Variants in RAD54B observed in about 807,000 individuals in gnomAD.
RAD54B encodes DNA repair and recombination protein RAD54B.
In RAD54B, 78 loss-of-function variants were observed where a neutral mutation model predicts 95.8. The ratio of observed to expected loss-of-function variants is 0.81; its 90% CI spans 0.68 to 0.98. RAD54B has a LOEUF of 0.98. Ranked by LOEUF, RAD54B falls within the 50% of genes least tolerant of loss-of-function variation. The probability of loss-of-function intolerance (pLI) is 0.00; values close to 1 mark genes in which losing one functional copy is unlikely to be tolerated. For synonymous variants in RAD54B, 328 were observed against 354.9 expected, an observed-to-expected ratio of 0.92 and a Z score of 0.85; for missense variants, 957 against 1,056.6, an observed-to-expected ratio of 0.91 and a Z score of 1.31.
chr8:94,438,433 G>A (rs1812322340), intron 3 of RAD54B, among the ~76,000 whole-genome samples: 1 of 152,200 alleles, frequency 6.6e-6, no homozygotes, highest in Admixed American at 6.5e-5. Flanking sequence ...TAATGCAAAT[G>A]ATTCTTGTCC....
intron 3 of RAD54B, among the ~76,000 whole-genome samples, chr8:94,411,746 TTTTG>T (rs1811534230): frequency 8.5e-6 from 1 of 116,984 alleles, no homozygotes; most frequent in African/African-American, 2.6e-5. Context: ...AACCTGAAAT[TTTTG>T]TTTATTTAAT....
intron 3 of RAD54B, among the ~76,000 whole-genome samples, chr8:94,454,133 T>C (rs1294217333): frequency 2.0e-5 from 3 of 150,184 alleles, no homozygotes; most frequent in Non-Finnish European, 2.9e-5. Flanking sequence ...TTTTTTACCA[T>C]GTGCGTGCAT....
At position 94,400,305 on chromosome 8, in the gene RAD54B, T is replaced by G; in HGVS notation, c.1103A>C (p.Asn368Thr). The change falls in exon 7 of 15, where the codon AAT becomes ACT. Residue 368 changes from asparagine to threonine, a missense_variant. Transcript: ENST00000336148. ...TTTTTGAAATTCTTTCTTCCAATTA[T>G]TCACCAAGCTTCCAGGTGTGACAAT... ...TLIVTPGSLVNNWKKEFQKWL... is the reference protein window; with the variant it reads ...TLIVTPGSLVTNWKKEFQKWL... 1.2e-6 allele frequency: 2 copies of G among 1,613,934 alleles called. No individual in the cohort carries two copies. The highest frequency in any genetic ancestry group is 1.7e-6 in the Non-Finnish European group (2 of 1,179,896).
intron 3 of RAD54B, among the ~76,000 whole-genome samples, chr8:94,420,862 G>C (rs915920475): frequency 6.6e-6 from 1 of 151,538 alleles, no homozygotes; most frequent in African/African-American, 2.4e-5. Context: ...GTGGGCGTCT[G>C]TAATCCCAGC....
intron 3 of RAD54B, among the ~76,000 whole-genome samples, chr8:94,445,812 T>TGTTC (rs1403305424): frequency 6.6e-6 from 1 of 152,152 alleles, no homozygotes; most frequent in Non-Finnish European, 1.5e-5. Context: ...ATCACAGGCA[T>TGTTC]GAACCACCAC....
intron 3 of RAD54B, chr8:94,431,184 A>C: frequency 6.5e-6 from 6 of 918,522 alleles, no homozygotes; most frequent in Non-Finnish European, 7.8e-6. Context: ...TACTAAAATA[A>C]CAATACTTAT....
At chr8:94,454,151 TAAAAA>T (rs34049102) in intron 3 of RAD54B, among the ~76,000 whole-genome samples, 1 of 144,278 alleles carries the variant, frequency 6.9e-6, no homozygotes, top group African/African-American at 2.5e-5. Context: ...CATTACCTTT[TAAAAA>T]AAAAAAAAAG....
Position 94,459,880 on chromosome 8 carries a change from C to T in RAD54B, c.136-1444G>A, listed in dbSNP as rs576241237. On this transcript the variant is annotated intron_variant, in intron 2 of 14. Transcript: ENST00000336148. ...GTCTCAAAAAAATAAAAAATTAGGC[C>T]GGGCGCAGTGGCTCACACCTGTAAT... Among the ~76,000 whole-genome samples the T allele has an allele frequency of 1.1e-4, 16 of 150,260 alleles. No individual in the cohort carries two copies. The South Asian group carries it at 1.7e-3, about 16-fold the overall frequency.
intron 3 of RAD54B, chr8:94,436,868 T>C (rs1243670057): frequency 6.6e-7 from 1 of 1,512,376 alleles, no homozygotes; most frequent in Non-Finnish European, 8.8e-7. Flanking sequence ...TTTCCTACCA[T>C]TGTTCTTTTC....
intron 3 of RAD54B, 84 bp downstream of exon 3, chr8:94,458,184 C>A: frequency 7.8e-7 from 1 of 1,284,888 alleles, no homozygotes; most frequent in Non-Finnish European, 1.1e-6. Context: ...TCTAATATAA[C>A]ATATTCATTC....
At chr8:94,470,515 A>T (rs1459936240) in intron 1 of RAD54B, among the ~76,000 whole-genome samples, 6 of 152,140 alleles carry the variant, frequency 3.9e-5, no homozygotes, top group African/African-American at 1.4e-4. Flanking sequence ...GAATCACTTG[A>T]ACCCGGGAGG....
intron 3 of RAD54B, among the ~76,000 whole-genome samples, chr8:94,422,893 T>C (rs749946065): frequency 3.4e-4 from 52 of 150,764 alleles, no homozygotes; most frequent in Admixed American, 9.3e-4. Flanking sequence ...ATCTTGTTTT[T>C]ACCTTTTGGA....
chr8:94,423,383 AAAAC>A (rs901134251), intron 3 of RAD54B, among the ~76,000 whole-genome samples: 12 of 152,208 alleles, frequency 7.9e-5, no homozygotes, highest in Non-Finnish European at 1.6e-4. Flanking sequence ...CTCCATCTCA[AAAAC>A]AAACAAACAA....
At chr8:94,447,710 A>T (rs1812556103) in intron 3 of RAD54B, among the ~76,000 whole-genome samples, 1 of 152,224 alleles carries the variant, frequency 6.6e-6, no homozygotes, top group South Asian at 2.1e-4. Context: ...AGGAAATCTT[A>T]TTTAGTGATT....
At position 94,378,681 on chromosome 8, in the gene RAD54B, G is replaced by A; in HGVS notation, c.2248-47C>T. ...TCTGAGAGTACAGTAGAAACTAATG[G>A]CCCCTTCCACACATGCAATTTGCAG... is the stretch of plus-strand genomic sequence containing the variant. On this transcript the variant is annotated intron_variant, in intron 12 of 14. Coordinates refer to ENST00000336148, the MANE Select transcript of RAD54B (RefSeq NM_012415.3). 4 of 1,311,322 alleles carry A rather than the reference G, an allele frequency of 3.1e-6. 1 individual carries two copies. In the Middle Eastern group the frequency reaches 5.6e-4, roughly 183 times the overall value. The allele number at this position is 1,311,322 out of a possible 1,614,324, so 81.2% of individuals were successfully genotyped here.
intron 1 of RAD54B, among the ~76,000 whole-genome samples, 161 bp downstream of exon 1, chr8:94,474,840 C>A (rs1315163240): frequency 6.6e-6 from 1 of 152,238 alleles, no homozygotes; most frequent in Non-Finnish European, 1.5e-5. Flanking sequence ...GTCCCTGGCA[C>A]TTCAGACCAA....
chr8:94,396,279 T>C (rs1811142800), intron 8 of RAD54B, among the ~76,000 whole-genome samples: 2 of 151,978 alleles, frequency 1.3e-5, no homozygotes, highest in Non-Finnish European at 2.9e-5. Flanking sequence ...ACTAAAGATT[T>C]TCAAGTCAAG....
intron 4 of RAD54B, among the ~76,000 whole-genome samples, chr8:94,410,846 G>T (rs75021744): frequency 2.0e-5 from 3 of 152,042 alleles, no homozygotes; most frequent in African/African-American, 7.2e-5. Context: ...GCTCAGAAAA[G>T]TACCAAAATA....
intron 12 of RAD54B, 57 bp downstream of exon 12, chr8:94,380,088 T>C (rs961335165): frequency 1.2e-5 from 18 of 1,498,556 alleles, no homozygotes; most frequent in Non-Finnish European, 1.6e-5. Context: ...GTATCCTCAA[T>C]AGGCATTGTA....
Sources: allele counts gnomAD v4.1 joint callset (sites outside exome capture counted in the v4.1 genomes callset), GRCh38; gene constraint gnomAD v4.1.1; transcripts MANE v1.5; gene names NCBI Gene and HGNC (gene_info 2026-07-23, HGNC 2026-07-21).